SLC22A8: variants seen among roughly 807,000 people sequenced by gnomAD.
The protein encoded by SLC22A8 is organic anion transporter 3.
SLC22A8 carries 40 observed loss-of-function variants against 48.4 expected under a neutral mutation model. The observed-to-expected ratio is 0.83, with a 90% CI of 0.64 to 1.08. The LOEUF (loss-of-function observed/expected upper bound fraction) is 1.08, where lower values mean the gene tolerates loss of function less well. SLC22A8 is among the 50% of genes least tolerant of loss of function. The pLI is 0.00. For synonymous variants in SLC22A8, 268 were observed against 286.3 expected (o/e 0.94, Z 0.65); for missense variants, 606 against 699.0 (o/e 0.87, Z 1.50).
intron 2 of SLC22A8, among the ~76,000 whole-genome samples, chr11:63,012,010 TG>T (rs1302459981): frequency 6.6e-6 from 1 of 150,604 alleles, no homozygotes; most frequent in African/African-American, 2.4e-5. Context: ...TTTTTTGAGA[TG>T]GGGTTGTCTT....
At chr11:62,995,228 A>T in intron 7 of SLC22A8, 1 of 238,716 alleles carries the variant, frequency 4.2e-6, no homozygotes, top group Non-Finnish European at 8.2e-6. Context: ...CCAGGATGGG[A>T]AGCAGAAACC....
chr11:62,994,998 C>T (rs1363712302), intron 7 of SLC22A8: 3 of 556,956 alleles, frequency 5.4e-6, no homozygotes, highest in African/African-American at 1.9e-5. Context: ...GGCAAAGGTG[C>T]CAATAACTGA....
intron 5 of SLC22A8, among the ~76,000 whole-genome samples, chr11:62,996,435 C>T (rs1212058411): frequency 6.6e-6 from 1 of 152,208 alleles, no homozygotes. Context: ...CTAGGAGCCC[C>T]AGGCTCTAGG....
At chr11:63,013,743 A>G (rs1336896821) in intron 2 of SLC22A8, among the ~76,000 whole-genome samples, 2 of 152,168 alleles carry the variant, frequency 1.3e-5, no homozygotes, top group East Asian at 3.8e-4. Context: ...GATAGAAATC[A>G]CCTTCAACGG....
At chr11:63,008,642 A>G (rs1394814092) in intron 2 of SLC22A8, among the ~76,000 whole-genome samples, 1 of 152,180 alleles carries the variant, frequency 6.6e-6, no homozygotes, top group African/African-American at 2.4e-5. Context: ...CTGGAAAACA[A>G]TAGGCACTCA....
At chr11:62,995,644 C>T (rs1370014972) in intron 7 of SLC22A8, 60 bp downstream of exon 7, 2 of 1,233,298 alleles carry the variant, frequency 1.6e-6, no homozygotes, top group African/African-American at 1.5e-5. Flanking sequence ...AGTGAGCCTA[C>T]TGGAGGCCTT....
At chr11:63,002,365 T>G (rs1018327973) in intron 2 of SLC22A8, among the ~76,000 whole-genome samples, 9 of 152,234 alleles carry the variant, frequency 5.9e-5, no homozygotes, top group Non-Finnish European at 1.2e-4. Context: ...ACTTGACATT[T>G]TTTGTGGTGA....
intron 2 of SLC22A8, among the ~76,000 whole-genome samples, chr11:63,005,050 T>G (rs1014520878): frequency 6.6e-6 from 1 of 152,186 alleles, no homozygotes; most frequent in Non-Finnish European, 1.5e-5. Context: ...AAACCTACTA[T>G]GGAAAAATTG....
rs1590689322 is a variant in SLC22A8, at chr11:62,996,139, A to G, written c.775T>C (p.Ser259Pro). 3 of 1,604,116 alleles carry G rather than the reference A, an allele frequency of 1.9e-6. No homozygotes were observed. In the Admixed American group the frequency reaches 5.1e-5, roughly 27 times the overall value. Residue 259 changes from serine (S) to proline (P), a missense_variant, in exon 6 of 11, where the codon TCC becomes CCC. By Grantham distance (74) the Ser-to-Pro change is moderately conservative (BLOSUM62 -1). Coordinates refer to ENST00000336232, the MANE Select transcript of SLC22A8 (RefSeq NM_004254.4). Reference protein sequence around the residue: ...FFLSSWWTPESIRWLVLSGKS... With the variant: ...FFLSSWWTPEPIRWLVLSGKS... ...CCAGACAAGACCAACCAGCGTATGG[A>G]CTCTGGTGTCCACCTGGGGGCCAGA... is the stretch of plus-strand genomic sequence containing the variant.
chr11:62,994,643 A>G lies in SLC22A8; in HGVS notation c.1115T>C (p.Ile372Thr), dbSNP rs1420464290. 6.2e-7 allele frequency: 1 copy of G among 1,614,106 alleles called. No individual in the cohort carries two copies. Among genetic ancestry groups the G allele is most frequent in the Non-Finnish European group, 8.5e-7 (1 of 1,180,036 alleles). The change falls in exon 8 of 11, where the codon ATC (isoleucine) becomes ACC (threonine). Residue 372 changes from isoleucine to threonine, a missense_variant. Coordinates refer to ENST00000336232, the MANE Select transcript of SLC22A8 (RefSeq NM_004254.4). ...FGGVDVPAKF[I>T]TILSLSYLGR... ...CAGGTAGCTTAAGGAGAGGATGGTG[A>G]TGAACTTGGCTGGGACATCGACCCC...
chr11:62,999,802 G>C lies in SLC22A8; in HGVS notation c.478C>G (p.Leu160Val). ...GCTGCACCGGAGCCGCTGGCTGCCA[G>C]CAGCAGGTAGCTGCAGGTCAGGATG... is the stretch of plus-strand genomic sequence containing the variant. The part of the protein sequence containing the change: ...RPILTCSYLL[L>V]AASGSGAAFS... Residue 160 changes from leucine (L) to valine (V), a missense_variant, in exon 4 of 11, where the codon CTG (leucine) becomes GTG (valine). By Grantham distance (32) the Leu-to-Val change is conservative. Transcript: ENST00000336232. 1 of 1,602,482 alleles carries C rather than the reference G, an allele frequency of 6.2e-7. No homozygotes were observed. The highest frequency in any genetic ancestry group is 8.5e-7 in the Non-Finnish European group (1 of 1,174,090).
At chr11:63,015,229 G>A (rs2086661133) in intron 1 of SLC22A8, among the ~76,000 whole-genome samples, 1 of 152,210 alleles carries the variant, frequency 6.6e-6, no homozygotes, top group Admixed American at 6.5e-5. Context: ...GTGTGTCCAG[G>A]TGTGTGGACA....
At position 62,993,153 on chromosome 11, in the gene SLC22A8, G is replaced by A. The variant is rs949004176; in HGVS notation, c.*84C>T. The A allele has an allele frequency of 1.0e-6, 1 of 978,580 alleles. No homozygotes were observed. Among genetic ancestry groups the A allele is most frequent in the Non-Finnish European group, 1.5e-6 (1 of 652,890 alleles). The allele number at this position is 978,580 out of a possible 1,614,324, so 60.6% of individuals were successfully genotyped here. A position where few individuals can be genotyped will look rare whatever the true frequency, so the allele number is the denominator to read the frequency against. On this transcript the variant is annotated 3_prime_UTR_variant, in exon 11 of 11. Transcript: ENST00000336232. Reference sequence around the variant, plus strand: ...CAGAAGGCTTCATCCTAGGAGGATGGACCTATATGGGGCCTCCCTATACTC... The same window carrying A: ...CAGAAGGCTTCATCCTAGGAGGATGAACCTATATGGGGCCTCCCTATACTC...
At chr11:62,997,368 GCACGCATCACCACACCCGGCTAA>G (rs1293465861) in intron 5 of SLC22A8, among the ~76,000 whole-genome samples, 1 of 152,104 alleles carries the variant, frequency 6.6e-6, no homozygotes, top group Admixed American at 6.5e-5. Context: ...GGGATTACAG[GCACGCATCACCACACCCGGCTAA>G]TTTTTTGTGT....
At chr11:63,015,125 G>C in intron 1 of SLC22A8, 142 bp from the exon 2 acceptor site, 1 of 532,668 alleles carries the variant, frequency 1.9e-6, no homozygotes. Context: ...GTGTAAAGAT[G>C]TGGAAGCTCA....
At chr11:62,993,715 A>T (rs1236410928) in intron 9 of SLC22A8, 55 bp downstream of exon 9, 1 of 1,585,108 alleles carries the variant, frequency 6.3e-7, no homozygotes, top group Non-Finnish European at 8.7e-7. Flanking sequence ...ACAATGCCAC[A>T]GTCCCACCTG....
rs190717273 is a variant in SLC22A8, at chr11:63,003,541, C to A, written c.334-2718G>T. Among the ~76,000 whole-genome samples the A allele has an allele frequency of 2.6e-3, 394 of 152,234 alleles. 3 individuals carry two copies. Among genetic ancestry groups the A allele is most frequent in the African/African-American group, 8.4e-3 (347 of 41,542 alleles). On this transcript the variant is annotated intron_variant, in intron 2 of 10. Coordinates refer to ENST00000336232, the MANE Select transcript of SLC22A8 (RefSeq NM_004254.4). ...ATGTGCAAGGGGCCATCTAGAGAGA[C>A]TTCTGGTACTTTGTGGCATGCTGTG...
intron 2 of SLC22A8, among the ~76,000 whole-genome samples, chr11:63,006,854 G>T (rs184307953): frequency 5.4e-4 from 82 of 151,252 alleles, no homozygotes; most frequent in African/African-American, 1.8e-3. Context: ...TGATCCTCCC[G>T]CCTAGGCCTC....
chr11:63,014,538 C>A, intron 2 of SLC22A8, 88 bp downstream of exon 2: 1 of 1,221,794 alleles, frequency 8.2e-7, no homozygotes. Context: ...CTGGGAACAC[C>A]AGACCCCAGC....
Sources: allele counts gnomAD v4.1 joint callset (sites outside exome capture counted in the v4.1 genomes callset), GRCh38; gene constraint gnomAD v4.1.1; transcripts MANE v1.5; gene names NCBI Gene and HGNC (gene_info 2026-07-23, HGNC 2026-07-21).